The following GPC3 variants were observed in gnomAD, a reference collection of about 807,000 sequenced individuals.
The protein encoded by GPC3 is glypican 3.
Under a neutral mutation model 34.4 loss-of-function variants are expected in GPC3, and 3 were observed. That is an observed-to-expected ratio of 0.09 (90% CI 0.04 to 0.23). GPC3 has a LOEUF of 0.23. GPC3 is among the 10% of genes least tolerant of loss of function. GPC3 has a pLI of 1.00. For synonymous variants in GPC3, 177 were observed against 174.0 expected, an observed-to-expected ratio of 1.02 and a Z score of -0.13; for missense variants, 351 against 445.6, an observed-to-expected ratio of 0.79 and a Z score of 1.91.
chrX:133,745,756 G>C (rs2071606171), intron 3 of GPC3, among the ~76,000 whole-genome samples: 1 of 112,303 alleles, frequency 8.9e-6, no homozygotes, highest in Non-Finnish European at 1.9e-5. Context: ...TTGAGAACTT[G>C]AAAAGTTCTT....
chrX:133,602,596 G>T (rs2069995651), intron 6 of GPC3, among the ~76,000 whole-genome samples: 1 of 111,732 alleles, frequency 8.9e-6, no homozygotes, highest in African/African-American at 3.2e-5. Flanking sequence ...GTGCCAAAAA[G>T]GTTGGGGACC....
chrX:133,971,203 T>C (rs1022133897), intron 1 of GPC3, among the ~76,000 whole-genome samples: 3 of 112,554 alleles, frequency 2.7e-5, no homozygotes, highest in African/African-American at 9.7e-5. Flanking sequence ...TGAGACAGAA[T>C]GTAAACTACA....
At chrX:133,793,916 G>A (rs2075562031) in intron 2 of GPC3, among the ~76,000 whole-genome samples, 1 of 111,629 alleles carries the variant, frequency 9.0e-6, no homozygotes, top group Non-Finnish European at 1.9e-5. Flanking sequence ...TGCTGTCAGA[G>A]GTGATCATTT....
At chrX:133,623,226 T>G (rs1015145920) in intron 6 of GPC3, among the ~76,000 whole-genome samples, 87 of 111,438 alleles carry the variant, frequency 7.8e-4, no homozygotes, top group Non-Finnish European at 1.9e-4. Context: ...ATAAAGACAA[T>G]CAAGGCTAGG....
intron 2 of GPC3, among the ~76,000 whole-genome samples, chrX:133,897,100 G>GT (rs2076118937): frequency 1.8e-5 from 2 of 108,386 alleles, no homozygotes; most frequent in Admixed American, 9.9e-5. Flanking sequence ...TAGAGACAGG[G>GT]TTTCACCGTG....
chrX:133,878,395 C>A (rs1214526852), intron 2 of GPC3, among the ~76,000 whole-genome samples: 1 of 110,806 alleles, frequency 9.0e-6, no homozygotes, highest in Non-Finnish European at 1.9e-5. Flanking sequence ...CCATTGCACT[C>A]CAGCCTGGGC....
At chrX:133,904,336 C>A (rs1438712955) in intron 2 of GPC3, among the ~76,000 whole-genome samples, 4 of 111,483 alleles carry the variant, frequency 3.6e-5, no homozygotes, top group African/African-American at 1.3e-4. Context: ...AGGAATAATT[C>A]TGTGAAACAA....
At chrX:133,776,662 G>A (rs972563320) in intron 2 of GPC3, among the ~76,000 whole-genome samples, 1 of 110,900 alleles carries the variant, frequency 9.0e-6, no homozygotes, top group African/African-American at 3.3e-5. Context: ...GTTCACACTG[G>A]CTATTATTCC....
intron 5 of GPC3, among the ~76,000 whole-genome samples, chrX:133,674,023 G>A (rs1324919471): frequency 3.6e-5 from 4 of 110,922 alleles, no homozygotes; most frequent in African/African-American, 9.9e-5. Flanking sequence ...CCAGGAGTTC[G>A]AGACCAGCCT....
chrX:133,977,346 T>C (rs2076520830), intron 1 of GPC3, among the ~76,000 whole-genome samples: 1 of 112,475 alleles, frequency 8.9e-6, no homozygotes, highest in Admixed American at 9.4e-5. Flanking sequence ...GAAGTACAGA[T>C]AAAGTATTTC....
intron 3 of GPC3, among the ~76,000 whole-genome samples, chrX:133,735,402 T>C (rs1383243586): frequency 9.0e-6 from 1 of 111,336 alleles, no homozygotes; most frequent in African/African-American, 3.3e-5. Context: ...CAAAAGGATA[T>C]CCACATATAG....
intron 2 of GPC3, among the ~76,000 whole-genome samples, chrX:133,934,705 T>A (rs1418444810): frequency 1.9e-5 from 2 of 105,843 alleles, no homozygotes; most frequent in Admixed American, 2.0e-4. Flanking sequence ...TTTTTTTTTA[T>A]AGAGACGGGG....
intron 2 of GPC3, among the ~76,000 whole-genome samples, chrX:133,901,503 C>T (rs906632724): frequency 3.6e-5 from 4 of 110,968 alleles, no homozygotes; most frequent in East Asian, 5.6e-4. Flanking sequence ...TGCAGTGGCA[C>T]GGTCTCGGCT....
At chrX:133,975,834 ATTTCCATCTGT>A (rs1328604070) in intron 1 of GPC3, among the ~76,000 whole-genome samples, 2 of 112,192 alleles carry the variant, frequency 1.8e-5, no homozygotes, top group East Asian at 5.5e-4. Flanking sequence ...TTTTCTGCAA[ATTTCCATCTGT>A]TTTCCAAAAC....
At chrX:133,626,067 G>A (rs1003042184) in intron 6 of GPC3, among the ~76,000 whole-genome samples, 3 of 111,808 alleles carry the variant, frequency 2.7e-5, no homozygotes, top group African/African-American at 9.8e-5. Flanking sequence ...AATGGGGAAA[G>A]GATTCCCTAT....
chrX:133,946,223 T>G lies in GPC3; in HGVS notation c.337+6827A>C, dbSNP rs2076367904. On this transcript the variant is annotated intron_variant, in intron 2 of 7. Coordinates refer to ENST00000370818, the MANE Select transcript of GPC3 (RefSeq NM_004484.4). ...GAGGAGACTGCTTATGACCATGAGA[T>G]GAAATACACAGAGGCTGTATCACAC... 3.6e-5 allele frequency among the ~76,000 whole-genome samples: 4 copies of G among 111,532 alleles called. No homozygotes were observed. In the Admixed American group the frequency reaches 3.8e-4, roughly 11 times the overall value.
At chrX:133,938,292 G>A (rs747397817) in intron 2 of GPC3, among the ~76,000 whole-genome samples, 84 of 111,971 alleles carry the variant, frequency 7.5e-4, no homozygotes, top group African/African-American at 2.6e-3. Context: ...GGGAGTTAGA[G>A]AGGTTTGGTA....
intron 2 of GPC3, chrX:133,763,125 C>A (rs1030850126): frequency 6.0e-5 from 42 of 705,250 alleles, no homozygotes; most frequent in Non-Finnish European, 8.9e-5. Flanking sequence ...TCTTCACTAA[C>A]CAGATCCAGG....
At chrX:133,816,140 T>C (rs1203272369) in intron 2 of GPC3, among the ~76,000 whole-genome samples, 1 of 110,841 alleles carries the variant, frequency 9.0e-6, no homozygotes, top group African/African-American at 3.3e-5. Flanking sequence ...AGCCCTTACC[T>C]CTTAGGCTCA....
Sources: gnomAD v4.1 joint callset for allele counts (sites outside exome capture counted in the v4.1 genomes callset) on GRCh38, gnomAD v4.1.1 for gene constraint, MANE v1.5 for transcripts, NCBI Gene and HGNC (gene_info 2026-07-23, HGNC 2026-07-21) for gene names.